The following SEPTIN7 variants were observed in gnomAD, a reference collection of about 807,000 sequenced individuals.
SEPTIN7 encodes the protein septin 7.
A neutral mutation model predicts 63.3 loss-of-function variants in SEPTIN7; 10 were observed. The ratio of observed to expected loss-of-function variants is 0.16; its 90% confidence interval spans 0.10 to 0.27. The LOEUF is 0.27. Among genes scored for constraint, SEPTIN7 ranks in the 10% least tolerant of loss-of-function variants. The pLI, the probability that SEPTIN7 is intolerant of heterozygous loss-of-function variation, is 1.00. For missense variants in SEPTIN7, 310 were observed against 521.0 expected (o/e 0.59, Z 3.94); for synonymous variants, 131 against 165.3 (o/e 0.79, Z 1.59).
chr7:35,899,549 CAA>C (rs1788182144), intron 12 of SEPTIN7: 1 of 152,092 alleles, frequency 6.6e-6, no homozygotes, highest in Non-Finnish European at 1.5e-5. Flanking sequence ...AACAAACAGA[CAA>C]ACAAAAAGCC....
intron 9 of SEPTIN7, among the ~76,000 whole-genome samples, chr7:35,884,367 A>G (rs1787092420): frequency 6.6e-6 from 1 of 152,202 alleles, no homozygotes; most frequent in Admixed American, 6.5e-5. Context: ...ACCAGTAAGT[A>G]TAGCACAGAT....
At chr7:35,838,769 A>G (rs1036174676) in intron 3 of SEPTIN7, 1 of 152,192 alleles carries the variant, frequency 6.6e-6, no homozygotes, top group Non-Finnish European at 1.5e-5. Context: ...TAAAGACTAA[A>G]TGACTAATTA....
intron 1 of SEPTIN7, among the ~76,000 whole-genome samples, chr7:35,817,946 A>T (rs1232063398): frequency 6.6e-6 from 1 of 151,856 alleles, no homozygotes; most frequent in Non-Finnish European, 1.5e-5. Context: ...ATCGCCTGCA[A>T]ATACTACTTA....
At chr7:35,894,836 G>A (rs531320456) in intron 11 of SEPTIN7, among the ~76,000 whole-genome samples, 17 of 152,286 alleles carry the variant, frequency 1.1e-4, no homozygotes, top group African/African-American at 4.1e-4. Flanking sequence ...TACTCCAAAT[G>A]TGGGTCATAT....
chr7:35,840,210 T>TCCCCCCTTCCCCCTCCCCCCTTC (rs1784343424), intron 3 of SEPTIN7, among the ~76,000 whole-genome samples: 2 of 54,556 alleles, frequency 3.7e-5, no homozygotes, highest in African/African-American at 1.5e-4. Context: ...CTCCCCCCTT[T>TCCCCCCTTCCCCCTCCCCCCTTC]CCCCTCCCCC....
chr7:35,881,525 G>T (rs79940669), intron 7 of SEPTIN7, among the ~76,000 whole-genome samples: 6 of 146,618 alleles, frequency 4.1e-5, no homozygotes, highest in Non-Finnish European at 7.5e-5. Context: ...ATATAGGTAC[G>T]TACCCTAATT....
intron 1 of SEPTIN7, among the ~76,000 whole-genome samples, chr7:35,813,713 C>T (rs1788880385): frequency 6.6e-6 from 1 of 152,128 alleles, no homozygotes; most frequent in South Asian, 2.1e-4. Flanking sequence ...GTGTTTGTAC[C>T]TGCCTTGAAG....
chr7:35,873,945 T>C (rs1239554903), intron 6 of SEPTIN7, 170 bp downstream of exon 6: 3 of 582,672 alleles, frequency 5.1e-6, no homozygotes, highest in Non-Finnish European at 8.8e-6. Flanking sequence ...TTAAGTCCTA[T>C]ATAAGCTAAC....
At chr7:35,804,835 G>GTTTTTTTT (rs57782019) in intron 1 of SEPTIN7, among the ~76,000 whole-genome samples, 2 of 123,310 alleles carry the variant, frequency 1.6e-5, no homozygotes, top group African/African-American at 6.1e-5. Flanking sequence ...TTCTTTTTTT[G>GTTTTTTTT]TTTTTTTTTT....
At chr7:35,824,373 A>C (rs1288485962) in intron 1 of SEPTIN7, among the ~76,000 whole-genome samples, 2 of 152,110 alleles carry the variant, frequency 1.3e-5, no homozygotes, top group African/African-American at 4.8e-5. Context: ...TTAGGTGATT[A>C]TGATGGGATG....
In SEPTIN7 at chr7:35,801,180, G is replaced by T. The variant is rs777808126; in HGVS notation, c.-30G>T. The T allele has an allele frequency of 6.7e-7, 1 of 1,481,800 alleles. No individual in the cohort carries two copies. Among genetic ancestry groups the T allele is most frequent in the South Asian group, 1.3e-5 (1 of 77,234 alleles). 91.8% of individuals were successfully genotyped at this position (1,481,800 alleles called of 1,614,324 possible). ...TTGGAGAATCGGCGGGCTGCGCTCCGCTGGGGCTGGTCGCGGAGGGGGGGA... is the reference window on the plus strand; with the variant it reads ...TTGGAGAATCGGCGGGCTGCGCTCCTCTGGGGCTGGTCGCGGAGGGGGGGA... On this transcript the variant is annotated 5_prime_UTR_variant, in exon 1 of 14. Transcript: ENST00000350320.
rs908288050 is a variant in SEPTIN7 at position 35,906,985 on chromosome 7, G to A, written c.*2692G>A. 5 of 152,186 alleles carry A rather than the reference G, an allele frequency of 3.3e-5. No individual in the cohort carries two copies. Among genetic ancestry groups the A allele is most frequent in the Admixed American group, 6.5e-5 (1 of 15,280 alleles). The allele number at this position is 152,186 out of a possible 1,614,324, so 9.4% of individuals were successfully genotyped here. A position where few individuals can be genotyped will look rare whatever the true frequency, so the allele number is the denominator to read the frequency against. On this transcript the variant is annotated 3_prime_UTR_variant, in exon 14 of 14. Coordinates refer to ENST00000350320, the MANE Select transcript of SEPTIN7 (RefSeq NM_001788.6). ...ATTTCCTTACAAAAATATTTGTTGA[G>A]CATGTGTCCATAATTATATGTATTG... is the stretch of plus-strand genomic sequence containing the variant.
intron 1 of SEPTIN7, among the ~76,000 whole-genome samples, chr7:35,816,139 G>C (rs967087410): frequency 6.6e-6 from 1 of 152,022 alleles, no homozygotes; most frequent in Admixed American, 6.6e-5. Flanking sequence ...GTGGTTTTTC[G>C]TGTATTCAGG....
At chr7:35,841,447 A>G (rs1398594357) in intron 3 of SEPTIN7, among the ~76,000 whole-genome samples, 4 of 152,182 alleles carry the variant, frequency 2.6e-5, no homozygotes, top group African/African-American at 9.7e-5. Context: ...TAATACAAGA[A>G]ACTCCAGTGT....
chr7:35,891,949 G>T (rs559532667), intron 11 of SEPTIN7, among the ~76,000 whole-genome samples: 90 of 150,252 alleles, frequency 6.0e-4, no homozygotes, highest in African/African-American at 2.2e-3. Flanking sequence ...TTTTGTTGTT[G>T]TTAAAAACAA....
intron 6 of SEPTIN7, among the ~76,000 whole-genome samples, chr7:35,874,917 T>C (rs1164038776): frequency 6.6e-6 from 1 of 152,168 alleles, no homozygotes; most frequent in Non-Finnish European, 1.5e-5. Flanking sequence ...TTTATGAGTA[T>C]TTGTGTAGCT....
intron 1 of SEPTIN7, among the ~76,000 whole-genome samples, chr7:35,823,850 A>C (rs1040054421): frequency 1.3e-4 from 19 of 150,108 alleles, no homozygotes; most frequent in African/African-American, 4.2e-4. Context: ...AAAATCCCCT[A>C]CTTCTCTTCT....
chr7:35,822,081 T>C (rs760325196), intron 1 of SEPTIN7, among the ~76,000 whole-genome samples: 2 of 151,552 alleles, frequency 1.3e-5, no homozygotes, highest in Non-Finnish European at 2.9e-5. Flanking sequence ...GGCCTCATTT[T>C]ATTTTTTTAA....
At chr7:35,829,094 C>T (rs143579676) in intron 1 of SEPTIN7, among the ~76,000 whole-genome samples, 140 of 149,580 alleles carry the variant, frequency 9.4e-4, no homozygotes, top group African/African-American at 3.4e-3. Context: ...ATCCCCTTGT[C>T]CACTACTTCA....
Sources: allele counts gnomAD v4.1 joint callset (sites outside exome capture counted in the v4.1 genomes callset), GRCh38; gene constraint gnomAD v4.1.1; transcripts MANE v1.5; gene names NCBI Gene and HGNC (gene_info 2026-07-23, HGNC 2026-07-21).